The following PRH1 variants were observed in gnomAD, a reference collection of about 807,000 sequenced individuals.
PRH1 encodes proline rich protein HaeIII subfamily 1, also known as salivary acidic proline-rich phosphoprotein 1/2.
PRH1 carries 7 observed loss-of-function variants against 7.9 expected under a neutral mutation model. The ratio of observed to expected loss-of-function variants is 0.89; its 90% CI spans 0.50 to 1.67. PRH1 has a LOEUF of 1.67. PRH1 is among the 40% of genes most tolerant of loss of function. PRH1 has a pLI of 0.00. For synonymous variants in PRH1, 45 were observed against 80.8 expected, an observed-to-expected ratio of 0.56 and a Z score of 2.38; for missense variants, 109 against 223.6, an observed-to-expected ratio of 0.49 and a Z score of 3.27.
chr12:10,956,884 T>C (rs116204767), intron 2 of PRH1, among the ~76,000 whole-genome samples: 3,025 of 152,148 alleles, frequency 0.02, 34 homozygotes, highest in African/African-American at 0.031. Flanking sequence ...CAAAGAGTAT[T>C]ACAAGAGACT....
intron 1 of PRH1, chr12:11,022,764 T>C: frequency 5.3e-6 from 3 of 562,980 alleles, no homozygotes; most frequent in South Asian, 5.3e-5. Context: ...TTTATAGAAA[T>C]AGAAAAGGTC....
chr12:11,075,210 A>ACG, intron 1 of PRH1, among the ~76,000 whole-genome samples: 1 of 92,414 alleles, frequency 1.1e-5, no homozygotes, highest in Non-Finnish European at 2.6e-5. Context: ...ATATATATAT[A>ACG]AATAATGTGT....
intron 2 of PRH1, among the ~76,000 whole-genome samples, chr12:10,966,466 G>T (rs1938503464): frequency 6.6e-6 from 1 of 152,078 alleles, no homozygotes; most frequent in Non-Finnish European, 1.5e-5. Flanking sequence ...ACATTGCCTG[G>T]CTACTACTCT....
At chr12:11,045,589 A>G (rs1366136363) in intron 1 of PRH1, among the ~76,000 whole-genome samples, 1 of 152,170 alleles carries the variant, frequency 6.6e-6, no homozygotes. Context: ...ATTTTAAAAA[A>G]AGAAATTCCT....
chr12:11,002,457 C>A (rs1940639979), intron 1 of PRH1, among the ~76,000 whole-genome samples: 1 of 151,966 alleles, frequency 6.6e-6, no homozygotes, highest in East Asian at 1.9e-4. Context: ...TCTTTTACCA[C>A]ATTCTGAAAA....
intron 2 of PRH1, among the ~76,000 whole-genome samples, chr12:10,948,017 C>G (rs188066861): frequency 2.0e-4 from 31 of 152,240 alleles, no homozygotes; most frequent in Non-Finnish European, 3.4e-4. Flanking sequence ...TGATAGAAAT[C>G]CCTTTGTACG....
At chr12:11,064,530 A>C (rs1286915991) in intron 1 of PRH1, among the ~76,000 whole-genome samples, 1 of 152,100 alleles carries the variant, frequency 6.6e-6, no homozygotes, top group Non-Finnish European at 1.5e-5. Flanking sequence ...GTAGAATTAC[A>C]GGGTCATTGT....
At chr12:10,904,194 AC>A (rs1209408104) in intron 2 of PRH1, among the ~76,000 whole-genome samples, 1 of 151,922 alleles carries the variant, frequency 6.6e-6, no homozygotes, top group African/African-American at 2.4e-5. Flanking sequence ...TTCATATAAA[AC>A]CAAAAAAAGA....
intron 1 of PRH1, among the ~76,000 whole-genome samples, chr12:10,974,181 C>T (rs1327902495): frequency 6.6e-6 from 1 of 152,188 alleles, no homozygotes; most frequent in African/African-American, 2.4e-5. Flanking sequence ...TGATGCTAGA[C>T]AAAATGAATA....
chr12:10,992,496 T>C (rs951417720), intron 1 of PRH1, among the ~76,000 whole-genome samples: 3 of 152,140 alleles, frequency 2.0e-5, no homozygotes, highest in Non-Finnish European at 2.9e-5. Flanking sequence ...CATAGCTTAC[T>C]GCAGACTCAA....
intron 1 of PRH1, among the ~76,000 whole-genome samples, chr12:11,079,596 A>T (rs1185708870): frequency 0.038 from 2,681 of 69,756 alleles, 23 homozygotes; most frequent in Non-Finnish European, 0.052. Flanking sequence ...CTAAGTGATA[A>T]AGGCACTCTG....
intron 1 of PRH1, chr12:10,986,177 C>T (rs1453390750): frequency 1.2e-6 from 2 of 1,613,892 alleles, no homozygotes; most frequent in African/African-American, 1.3e-5. Flanking sequence ...TCAGAGTTTG[C>T]AAAGCTTTTA....
At chr12:11,087,105 T>TG (rs1944733362) in intron 1 of PRH1, among the ~76,000 whole-genome samples, 1 of 114,840 alleles carries the variant, frequency 8.7e-6, no homozygotes, top group African/African-American at 2.9e-5. Context: ...TAAACTTGTT[T>TG]TTTTTTTTTC....
chr12:10,902,786 G>A (rs906723698), intron 2 of PRH1, among the ~76,000 whole-genome samples: 2 of 152,038 alleles, frequency 1.3e-5, no homozygotes, highest in African/African-American at 4.8e-5. Flanking sequence ...CTTTATAACT[G>A]AAGGAGAAAT....
intron 2 of PRH1, among the ~76,000 whole-genome samples, chr12:10,915,258 T>A (rs1949957764): frequency 6.6e-6 from 1 of 152,244 alleles, no homozygotes; most frequent in African/African-American, 2.4e-5. Context: ...AACTGACAGT[T>A]ACTGCTCTTT....
intron 1 of PRH1, among the ~76,000 whole-genome samples, chr12:11,008,467 T>C (rs541507813): frequency 1.3e-5 from 2 of 152,066 alleles, no homozygotes; most frequent in South Asian, 4.1e-4. Flanking sequence ...TCCATGACAC[T>C]TTCCAAGCCT....
At position 11,030,853 on chromosome 12, in the gene PRH1, G is replaced by T. The variant is rs770520711; in HGVS notation, c.-126+16167C>A. On this transcript the variant is annotated intron_variant, in intron 1 of 3. Transcript: ENST00000539853. Reference sequence around the variant, plus strand: ...TCCTCAATTTGATCTTCCAAGTCAAGTTTCCTTCATATTCTTTTGTCCGTA... The same window carrying T: ...TCCTCAATTTGATCTTCCAAGTCAATTTTCCTTCATATTCTTTTGTCCGTA... 5 of 1,614,108 alleles carry T rather than the reference G, an allele frequency of 3.1e-6. No homozygotes were observed. Among genetic ancestry groups the T allele is most frequent in the Non-Finnish European group, 4.2e-6 (5 of 1,180,000 alleles).
At chr12:11,060,728 T>TA (rs1345184424) in intron 1 of PRH1, among the ~76,000 whole-genome samples, 2 of 152,176 alleles carry the variant, frequency 1.3e-5, no homozygotes, top group Non-Finnish European at 2.9e-5. Flanking sequence ...AGTTGAAACT[T>TA]ACTCTACATA....
intron 2 of PRH1, among the ~76,000 whole-genome samples, chr12:10,902,828 G>A (rs1293192113): frequency 3.9e-5 from 6 of 152,076 alleles, no homozygotes; most frequent in Non-Finnish European, 8.8e-5. Flanking sequence ...AAGGGTAAAG[G>A]AATTTATTAC....
Sources: allele counts gnomAD v4.1 joint callset (sites outside exome capture counted in the v4.1 genomes callset), GRCh38; gene constraint gnomAD v4.1.1; transcripts MANE v1.5; gene names NCBI Gene and HGNC (gene_info 2026-07-23, HGNC 2026-07-21).